Variants in AARS2 observed in about 807,000 individuals in gnomAD.
AARS2 encodes the protein alanyl-tRNA synthetase 2, mitochondrial, also known as alanine--tRNA ligase, mitochondrial.
In AARS2, 78 loss-of-function variants were observed where a neutral mutation model predicts 119.7. The observed-to-expected ratio is 0.65, with a 90% CI of 0.54 to 0.79. AARS2 has a LOEUF of 0.79. Ranked by LOEUF, AARS2 falls within the 30% of genes least tolerant of loss-of-function variation. The pLI, the probability that AARS2 is intolerant of heterozygous loss-of-function variation, is 0.00. For missense variants in AARS2, 1,157 were observed against 1,291.3 expected (o/e 0.90, Z 1.59); for synonymous variants, 502 against 526.3 (o/e 0.95, Z 0.63).
Position 44,313,131 on chromosome 6 carries a change from G to T in AARS2, c.193C>A (p.Arg65=). 1 of 1,611,928 alleles carries T rather than the reference G, an allele frequency of 6.2e-7. No individual in the cohort carries two copies. The highest frequency in any genetic ancestry group is 8.5e-7 in the Non-Finnish European group (1 of 1,179,492). The change falls in exon 1 of 22, where the codon CGG becomes AGG. Residue 65 remains arginine (R), a synonymous_variant. Transcript: ENST00000244571. ...AGCAAACTGGGGTCGCCGCGGGGCC[G>T]CACGGAAGCGGAGGGCACCAGCCGG... ...GHRLVPSASV[R]PRGDPSLLFV...
rs183810876 is a variant in AARS2 at position 44,312,907 on chromosome 6, A to G, written c.243+174T>C. Reference sequence around the variant, plus strand: ...AAGTTCCCAGCTCAAGCCCTCCCCAAGCCCTCCCTATACTCTGAGCGCCGT... The same window carrying G: ...AAGTTCCCAGCTCAAGCCCTCCCCAGGCCCTCCCTATACTCTGAGCGCCGT... On this transcript the variant is annotated intron_variant, in intron 1 of 21. Coordinates refer to ENST00000244571, the MANE Select transcript of AARS2 (RefSeq NM_020745.4). Among the ~76,000 whole-genome samples the G allele has an allele frequency of 2.2e-3, 334 of 152,194 alleles. 2 individuals are homozygous for G. Among genetic ancestry groups the G allele is most frequent in the African/African-American group, 6.8e-3 (283 of 41,520 alleles).
In AARS2 at chr6:44,312,900, C is replaced by T. The variant is rs78740068; in HGVS notation, c.243+181G>A. 9.4e-3 allele frequency among the ~76,000 whole-genome samples: 1,437 copies of T among 152,266 alleles called. 94 individuals are homozygous for T. In the East Asian group the frequency reaches 0.18, roughly 19 times the overall value. ...AATCCAGAAGTTCCCAGCTCAAGCC[C>T]TCCCCAAGCCCTCCCTATACTCTGA... On this transcript the variant is annotated intron_variant, in intron 1 of 21. Coordinates refer to ENST00000244571, the MANE Select transcript of AARS2 (RefSeq NM_020745.4).
intron 20 of AARS2, 37 bp from the exon 21 acceptor site, chr6:44,301,303 C>T: frequency 1.2e-6 from 2 of 1,613,328 alleles, no homozygotes; most frequent in Non-Finnish European, 8.5e-7. Context: ...CCCATCGCTT[C>T]CCAGACCCCT....
At chr6:44,311,733 T>A (rs1415347247) in intron 2 of AARS2, among the ~76,000 whole-genome samples, 198 bp from the exon 3 acceptor site, 3 of 152,170 alleles carry the variant, frequency 2.0e-5, no homozygotes, top group Admixed American at 1.3e-4. Context: ...TTCTTCTAAG[T>A]CCTATCTTCT....
At chr6:44,304,159 T>G (rs766193493) in intron 14 of AARS2, 22 bp downstream of exon 14, 10 of 1,612,530 alleles carry the variant, frequency 6.2e-6, no homozygotes, top group Non-Finnish European at 8.5e-6. Flanking sequence ...ACATGAAGCC[T>G]GTCTTTCTAT....
chr6:44,307,374 G>A lies in AARS2; in HGVS notation c.915C>T (p.Tyr305=), dbSNP rs778966995. The change falls in exon 6 of 22, where the codon TAC becomes TAT. Residue 305 remains tyrosine, a synonymous_variant. Coordinates refer to ENST00000244571, the MANE Select transcript of AARS2 (RefSeq NM_020745.4). The surrounding 1 kb of genome is among the most constrained non-coding windows in gnomAD (Gnocchi z 4.4). ...AIQQGCRAPP[Y]LGRVGVADEG... ...CGTCTGCCACCCCTACTCGGCCCAA[G>A]TAAGGGGGTGCCCTGCAGCCCTGGG... 5.6e-6 allele frequency: 9 copies of A among 1,607,300 alleles called. No individual in the cohort carries two copies. In the South Asian group the frequency reaches 1.0e-4, roughly 18 times the overall value.
chr6:44,306,467 C>A (rs1785859680), intron 8 of AARS2, 27 bp downstream of exon 8: 3 of 1,614,164 alleles, frequency 1.9e-6, no homozygotes, highest in Admixed American at 3.3e-5. Context: ...CCCATCAACC[C>A]CTTTCTCTCC....
chr6:44,304,168 A>G lies in AARS2; in HGVS notation c.2007+13T>C, dbSNP rs1319679120. On this transcript the variant is annotated intron_variant, in intron 14 of 21. Transcript: ENST00000244571. ...CACCTCACATGAAGCCTGTCTTTCT[A>G]TGCCGGGCTCACCTGGGTGGTCACA... 1 of 1,612,876 alleles carries G rather than the reference A, an allele frequency of 6.2e-7. No individual in the cohort carries two copies. The highest frequency in any genetic ancestry group is 1.7e-5 in the Admixed American group (1 of 60,030).
chr6:44,306,325 T>A lies in AARS2; in HGVS notation c.1255A>T (p.Ile419Phe), dbSNP rs1337377796. 9 of 1,614,150 alleles carry A rather than the reference T, an allele frequency of 5.6e-6. No homozygotes were observed. The highest frequency in any genetic ancestry group is 7.6e-6 in the Non-Finnish European group (9 of 1,180,002). ...LASLERGRRI[I>F]DRTLRTLGPS... ...CCCAGGGTCCTCAGAGTCCGATCAA[T>A]GATCCGCCTACCCCGCTCCAGGGAG... is the stretch of plus-strand genomic sequence containing the variant. The change falls in exon 9 of 22, where the codon ATT (isoleucine) becomes TTT (phenylalanine). Residue 419 changes from isoleucine (I) to phenylalanine (F), a missense_variant. Coordinates refer to ENST00000244571, the MANE Select transcript of AARS2 (RefSeq NM_020745.4).
rs766316222 is a variant in AARS2 at position 44,313,312 on chromosome 6, T to C, written c.12A>G (p.Ser4=). MAA[S]VAAAARRLRR... is the part of the protein sequence containing the mutation. ...GCAGCCTCCGGGCTGCAGCTGCCAC[T>C]GACGCTGCCATCGTAGCTCCGGGCA... Residue 4 remains serine (S), a synonymous_variant, in exon 1 of 22, where the codon TCA becomes TCG. Transcript: ENST00000244571. 3 of 1,602,076 alleles carry C rather than the reference T, an allele frequency of 1.9e-6. No individual in the cohort carries two copies. Among genetic ancestry groups the C allele is most frequent in the Non-Finnish European group, 2.5e-6 (3 of 1,178,714 alleles).
rs1785680087 is a variant in AARS2 at position 44,304,690 on chromosome 6, C to T, written c.1707G>A (p.Gly569=). The change falls in exon 12 of 22, where the codon GGG becomes GGA. Residue 569 remains glycine (G), a synonymous_variant. Transcript: ENST00000244571. ...GGTAGCCACGGTCTGAAGCCTGGCC[C>T]CCCTGTTCTGCGTAGAAGTTGGTCC... is the stretch of plus-strand genomic sequence containing the variant. ...LDRTNFYAEQ[G]GQASDRGYLV... The T allele has an allele frequency of 6.2e-7, 1 of 1,614,228 alleles. No homozygotes were observed. Among genetic ancestry groups the T allele is most frequent in the Non-Finnish European group, 8.5e-7 (1 of 1,180,036 alleles).
chr6:44,304,082 C>G, intron 14 of AARS2, 99 bp downstream of exon 14: 1 of 1,559,744 alleles, frequency 6.4e-7, no homozygotes, highest in Non-Finnish European at 8.7e-7. Flanking sequence ...CGTGCTGGGC[C>G]TAGAGCCCAG....
chr6:44,305,018 A>G lies in AARS2; in HGVS notation c.1579+36T>C. ...ACATTCTTCTTAGTCATGGTCAGGC[A>G]AGCTTGTGGCGGCAGGCCTTGGTCC... On this transcript the variant is annotated intron_variant, in intron 11 of 21. Transcript: ENST00000244571. This position sits in a 1 kb window ranked among gnomAD's most constrained non-coding sequence, Gnocchi z 4.6. 1.2e-6 allele frequency: 2 copies of G among 1,614,080 alleles called. No homozygotes were observed. Among genetic ancestry groups the G allele is most frequent in the African/African-American group, 1.3e-5 (1 of 75,054 alleles).
rs1037787509 is a variant in AARS2, at chr6:44,303,193, C to G, written c.2146-18G>C. The G allele has an allele frequency of 6.2e-7, 1 of 1,613,958 alleles. No homozygotes were observed. The highest frequency in any genetic ancestry group is 8.5e-7 in the Non-Finnish European group (1 of 1,179,982). ...GGGTAAACCTGAGGTCAAGAGGGGA[C>G]AGGCCCGTTAACTGCCAAAGGAGAA... On this transcript the variant is annotated intron_variant, in intron 15 of 21. Transcript: ENST00000244571.
chr6:44,302,734 G>C, intron 17 of AARS2, 68 bp downstream of exon 17: 3 of 1,520,944 alleles, frequency 2.0e-6, no homozygotes, highest in Non-Finnish European at 2.7e-6. Flanking sequence ...CTGAGCCTGA[G>C]CATGTCACCT....
rs1785343867 is a variant in AARS2, at chr6:44,301,402, T to C, written c.2661A>G (p.Thr887=). Residue 887 remains threonine, a synonymous_variant, in exon 20 of 22, where the codon ACA becomes ACG. Transcript: ENST00000244571. ...RHSKGPLIVD[T]VSAESLSVLV... ...TCACTGAGAGAGACTCAGCAGAGAC[T>C]GTGTCCACAATCAGAGGCCCCTTCG... is the stretch of plus-strand genomic sequence containing the variant. 4 of 1,613,990 alleles carry C rather than the reference T, an allele frequency of 2.5e-6. No homozygotes were observed. In the East Asian group the frequency reaches 8.9e-5, roughly 36 times the overall value.
rs756151860 is a variant in AARS2, at chr6:44,311,147, C to T, written c.596G>A (p.Arg199His). ...CTCTTGTGGTCCAAAGGAAAGCACA[C>T]GGCTAGCAGGCACCCTGGGGAGAAA... ...IWLSLGVPASRVLSFGPQENF... is the reference protein window; with the variant it reads ...IWLSLGVPASHVLSFGPQENF... The change falls in exon 4 of 22, where the codon CGT becomes CAT. Residue 199 changes from arginine (R) to histidine (H), a missense_variant. Physicochemically the swap from Arg to His is conservative, Grantham distance 29. Transcript: ENST00000244571. 2.2e-5 allele frequency: 35 copies of T among 1,614,006 alleles called. No homozygotes were observed. The highest frequency in any genetic ancestry group is 3.3e-4 in the Middle Eastern group (2 of 6,084).
In AARS2 at chr6:44,313,347, C is replaced by T. The variant is rs779438522; in HGVS notation, c.-24G>A. The T allele has an allele frequency of 3.9e-5, 62 of 1,596,352 alleles. No homozygotes were observed. The highest frequency in any genetic ancestry group is 3.3e-5 in the South Asian group (3 of 90,498). On this transcript the variant is annotated 5_prime_UTR_variant, in exon 1 of 22. Transcript: ENST00000244571. The stretch of plus-strand genomic sequence containing the variant: ...ATCGTAGCTCCGGGCAGTGACTTTA[C>T]GTGGTCAAAGAGTGACGAGGGAAGG...
At position 44,313,125 on chromosome 6, in the gene AARS2, G is replaced by A. The variant is rs745852325; in HGVS notation, c.199C>T (p.Arg67Cys). The change falls in exon 1 of 22, where the codon CGC (arginine) becomes TGC (cysteine). Residue 67 changes from arginine (R) to cysteine (C), a missense_variant. By Grantham distance (180) the Arg-to-Cys change is radical (BLOSUM62 -3). Coordinates refer to ENST00000244571, the MANE Select transcript of AARS2 (RefSeq NM_020745.4). ...ACAAAAAGCAAACTGGGGTCGCCGCGGGGCCGCACGGAAGCGGAGGGCACC... is the reference window on the plus strand; with the variant it reads ...ACAAAAAGCAAACTGGGGTCGCCGCAGGGCCGCACGGAAGCGGAGGGCACC... ...RLVPSASVRP[R>C]GDPSLLFVNA... 1.2e-6 allele frequency: 2 copies of A among 1,612,622 alleles called. No homozygotes were observed. Among genetic ancestry groups the A allele is most frequent in the South Asian group, 1.1e-5 (1 of 90,966 alleles).
Sources: allele counts gnomAD v4.1 joint callset (sites outside exome capture counted in the v4.1 genomes callset), GRCh38; gene constraint gnomAD v4.1.1; non-coding constraint Gnocchi (gnomAD v3.1); transcripts MANE v1.5; gene names NCBI Gene and HGNC (gene_info 2026-07-23, HGNC 2026-07-21).